Variants in DAB1 observed in about 807,000 individuals in gnomAD.
DAB1 encodes the protein disabled homolog 1.
Under a neutral mutation model 64.6 loss-of-function variants are expected in DAB1, and 15 were observed. That is an observed-to-expected ratio of 0.23 (90% confidence interval 0.16 to 0.36). The LOEUF (loss-of-function observed/expected upper bound fraction) is 0.36, where lower values mean the gene tolerates loss of function less well. Among genes scored for constraint, DAB1 ranks in the 10% least tolerant of loss-of-function variants. DAB1 has a pLI of 1.00. For synonymous variants in DAB1, 235 were observed against 251.9 expected (o/e 0.93, Z 0.64); for missense variants, 596 against 706.7 (o/e 0.84, Z 1.78).
At chr1:57,785,026 A>G (rs1485431898) in intron 6 of DAB1, among the ~76,000 whole-genome samples, 1 of 152,170 alleles carries the variant, frequency 6.6e-6, no homozygotes, top group Admixed American at 6.5e-5. Flanking sequence ...TTAAGTTGAA[A>G]CCAATACTCA....
intron 1 of DAB1, among the ~76,000 whole-genome samples, chr1:57,868,483 C>T (rs1654398481): frequency 6.6e-6 from 1 of 152,110 alleles, no homozygotes; most frequent in Non-Finnish European, 1.5e-5. Flanking sequence ...CATGAGCTGG[C>T]CTGGTCTTGT....
chr1:57,687,779 C>G (rs1646718579), intron 6 of DAB1, among the ~76,000 whole-genome samples: 1 of 152,060 alleles, frequency 6.6e-6, no homozygotes, highest in African/African-American at 2.4e-5. Context: ...CTACAACCAT[C>G]TGATCTTTGA....
At chr1:57,992,908 A>G (rs940449762) in intron 5 of DAB1, among the ~76,000 whole-genome samples, 3 of 152,040 alleles carry the variant, frequency 2.0e-5, no homozygotes, top group Admixed American at 2.0e-4. Context: ...GGAAAGGACT[A>G]CCATACATTG....
At chr1:57,888,241 G>C (rs1240372368), upstream of DAB1, among the ~76,000 whole-genome samples, 1 of 152,092 alleles carries the variant, frequency 6.6e-6, no homozygotes, top group Non-Finnish European at 1.5e-5. Flanking sequence ...CAGCATATTT[G>C]CCATCAGATA....
intron 4 of DAB1, among the ~76,000 whole-genome samples, chr1:58,246,121 G>A (rs1660517284): frequency 5.6e-5 from 1 of 17,754 alleles, no homozygotes; most frequent in Non-Finnish European, 1.1e-4. Flanking sequence ...GTTTGTATCA[G>A]AATTGTTAAC....
At chr1:58,308,439 G>A (rs573343792) in intron 4 of DAB1, among the ~76,000 whole-genome samples, 89 of 152,108 alleles carry the variant, frequency 5.9e-4, no homozygotes, top group Non-Finnish European at 8.8e-4. Context: ...CAATGGATCA[G>A]AGGCCTAGAG....
chr1:57,650,712 A>G (rs1485401833), intron 6 of DAB1, among the ~76,000 whole-genome samples: 1 of 152,154 alleles, frequency 6.6e-6, no homozygotes, highest in Non-Finnish European at 1.5e-5. Flanking sequence ...CAGACAGTAA[A>G]GAAGCAAACA....
At chr1:58,103,625 T>A (rs983255764) in intron 5 of DAB1, among the ~76,000 whole-genome samples, 3 of 152,218 alleles carry the variant, frequency 2.0e-5, no homozygotes, top group African/African-American at 7.2e-5. Context: ...TGATAATGCG[T>A]TCATTCTGAC....
intron 5 of DAB1, among the ~76,000 whole-genome samples, chr1:58,067,772 T>C (rs1648944280): frequency 6.6e-6 from 1 of 152,352 alleles, no homozygotes; most frequent in South Asian, 2.1e-4. Flanking sequence ...CATCTCCTTA[T>C]AGGCCTCAAC....
At chr1:58,201,815 T>C (rs1411951660) in intron 4 of DAB1, among the ~76,000 whole-genome samples, 1 of 152,202 alleles carries the variant, frequency 6.6e-6, no homozygotes. Flanking sequence ...CTGGGACAAA[T>C]TGTGTTTTAA....
intron 9 of DAB1, among the ~76,000 whole-genome samples, chr1:57,029,078 CAGG>C (rs1460945533): frequency 6.6e-6 from 1 of 152,118 alleles, no homozygotes; most frequent in East Asian, 1.9e-4. Flanking sequence ...CCTGGAGGCC[CAGG>C]AGGAAAAAGT....
At chr1:57,511,473 T>C (rs1254040795) in intron 7 of DAB1, among the ~76,000 whole-genome samples, 1 of 152,232 alleles carries the variant, frequency 6.6e-6, no homozygotes, top group Non-Finnish European at 1.5e-5. Context: ...CTCAACTTAA[T>C]CATACCTAAA....
At chr1:58,195,479 A>G (rs471080) in intron 4 of DAB1, among the ~76,000 whole-genome samples, 119,391 of 152,030 alleles carry the variant, frequency 0.79, 47,502 homozygotes, top group South Asian at 0.87. Flanking sequence ...GAAGAAGAAG[A>G]GATAGAGAAA....
chr1:57,890,456 C>CTTTTTTTTT (rs71246207), intron 5 of DAB1, among the ~76,000 whole-genome samples: 2 of 136,616 alleles, frequency 1.5e-5, no homozygotes, highest in African/African-American at 2.7e-5. Flanking sequence ...CTTTTCTTTT[C>CTTTTTTTTT]TTTTTTTTTT....
At chr1:57,278,725 G>T (rs1393266219) in intron 2 of DAB1, among the ~76,000 whole-genome samples, 1 of 152,270 alleles carries the variant, frequency 6.6e-6, no homozygotes, top group Middle Eastern at 3.4e-3. Flanking sequence ...TGCTCAAAGG[G>T]GGGCAAGCAA....
chr1:57,037,287 A>G (rs1647200403), intron 9 of DAB1, among the ~76,000 whole-genome samples: 1 of 152,222 alleles, frequency 6.6e-6, no homozygotes, highest in Non-Finnish European at 1.5e-5. Context: ...TTCTTCAATG[A>G]ACATTCACTG....
intron 7 of DAB1, among the ~76,000 whole-genome samples, chr1:57,587,315 A>G (rs1260509229): frequency 6.6e-6 from 1 of 152,178 alleles, no homozygotes. Context: ...AGGGATAATA[A>G]TATCCCACAT....
intron 7 of DAB1, among the ~76,000 whole-genome samples, chr1:57,445,333 A>G (rs765527075): frequency 5.3e-5 from 8 of 152,198 alleles, no homozygotes; most frequent in Non-Finnish European, 1.0e-4. Flanking sequence ...AAGTGAAAAT[A>G]GTAGAACTGA....
At chr1:57,965,770 C>T (rs1645648794) in intron 5 of DAB1, among the ~76,000 whole-genome samples, 1 of 152,092 alleles carries the variant, frequency 6.6e-6, no homozygotes, top group African/African-American at 2.4e-5. Flanking sequence ...CCTCAGGGAG[C>T]TCACAATCTT....
Sources: allele counts gnomAD v4.1 joint callset (sites outside exome capture counted in the v4.1 genomes callset), GRCh38; gene constraint gnomAD v4.1.1; transcripts MANE v1.5; gene names NCBI Gene and HGNC (gene_info 2026-07-23, HGNC 2026-07-21).